EPB41L1: variants seen among roughly 807,000 people sequenced by gnomAD.
The protein encoded by EPB41L1 is band 4.1-like protein 1.
EPB41L1 carries 29 observed loss-of-function variants against 97.8 expected under a neutral mutation model. The observed-to-expected ratio is 0.30, with a 90% CI of 0.22 to 0.40. The LOEUF (loss-of-function observed/expected upper bound fraction) is 0.40. Ranked by LOEUF, EPB41L1 falls within the 10% of genes least tolerant of loss-of-function variation. The pLI, the probability that EPB41L1 is intolerant of heterozygous loss-of-function variation, is 1.00. For missense variants in EPB41L1, 812 were observed against 1,162.3 expected (o/e 0.70, Z 4.38); for synonymous variants, 383 against 459.2 (o/e 0.83, Z 2.12).
At chr20:36,154,420 C>T (rs1177987237), upstream of EPB41L1, among the ~76,000 whole-genome samples, 1 of 151,936 alleles carries the variant, frequency 6.6e-6, no homozygotes, top group Non-Finnish European at 1.5e-5. This position sits in a 1 kb window ranked among gnomAD's most constrained non-coding sequence, Gnocchi z 5.5. Flanking sequence ...TCGAGAGGCC[C>T]CCCAGCTGCA....
Position 36,197,978 on chromosome 20 carries a change from G to T in EPB41L1, c.1605G>T (p.Glu535Asp). ...LIHRDRDWER[E>D]RRLPSSPASP... Reference sequence around the variant, plus strand: ...ACCGGGATCGAGACTGGGAACGGGAGCGCAGGCTGCCCTCCTCCCCCGCCT... The same window carrying T: ...ACCGGGATCGAGACTGGGAACGGGATCGCAGGCTGCCCTCCTCCCCCGCCT... The change falls in exon 14 of 22, where the codon GAG (glutamate) becomes GAT (aspartate). Residue 535 changes from glutamate to aspartate, a missense_variant. Coordinates refer to ENST00000338074, the MANE Select transcript of EPB41L1 (RefSeq NM_012156.2). 5.0e-6 allele frequency: 8 copies of T among 1,614,124 alleles called. No homozygotes were observed. The highest frequency in any genetic ancestry group is 6.8e-6 in the Non-Finnish European group (8 of 1,180,042).
At position 36,182,276 on chromosome 20, in the gene EPB41L1, C is replaced by A; in HGVS notation, c.495C>A (p.Ser165Arg). ...SKEIKKQIRS[S>R]PWNFAFTVKF... ...CTCTCTCCCATCTCCTCTCAGGTAG[C>A]CCCTGGAATTTTGCCTTCACAGTCA... The change falls in exon 6 of 22, where the codon AGC becomes AGA. Residue 165 changes from serine to arginine, a missense_variant. Transcript: ENST00000338074. The A allele has an allele frequency of 6.2e-7, 1 of 1,613,986 alleles. No homozygotes were observed. Among genetic ancestry groups the A allele is most frequent in the Non-Finnish European group, 8.5e-7 (1 of 1,179,878 alleles).
chr20:36,156,368 G>T (rs969488685), intron 1 of EPB41L1, among the ~76,000 whole-genome samples: 1 of 152,276 alleles, frequency 6.6e-6, no homozygotes, highest in Non-Finnish European at 1.5e-5. Context: ...AGCCCTGTGA[G>T]CTTCTTGAAG....
intron 15 of EPB41L1, among the ~76,000 whole-genome samples, chr20:36,211,243 T>C (rs149308303): frequency 0.014 from 2,093 of 151,104 alleles, 47 homozygotes; most frequent in African/African-American, 0.048. Flanking sequence ...AAAAATTAGC[T>C]GGGCGTGGTG....
chr20:36,127,430 C>T (rs570501041), intron 2 of EPB41L1, among the ~76,000 whole-genome samples: 12 of 152,136 alleles, frequency 7.9e-5, no homozygotes, highest in East Asian at 7.7e-4. Context: ...AGGTGAGAGA[C>T]GAGTAAGGCT....
chr20:36,131,479 G>A (rs957295599), intron 2 of EPB41L1, among the ~76,000 whole-genome samples: 1 of 151,924 alleles, frequency 6.6e-6, no homozygotes, highest in Non-Finnish European at 1.5e-5. Flanking sequence ...ACTGTCCTCT[G>A]TCCATGCATT....
At chr20:36,224,388 C>T (rs1291786546) in intron 21 of EPB41L1, among the ~76,000 whole-genome samples, 2 of 152,152 alleles carry the variant, frequency 1.3e-5, no homozygotes, top group Non-Finnish European at 2.9e-5. Context: ...TGGCTTATGC[C>T]TGTAATCTCA....
At chr20:36,157,117 G>A (rs1280140164) in intron 1 of EPB41L1, among the ~76,000 whole-genome samples, 13 of 152,096 alleles carry the variant, frequency 8.5e-5, no homozygotes, top group Admixed American at 1.3e-4. Context: ...CCAGCAACTC[G>A]GGAGGCTGAG....
At chr20:36,099,164 G>A (rs144335655) in intron 1 of EPB41L1, among the ~76,000 whole-genome samples, 219 of 152,088 alleles carry the variant, frequency 1.4e-3, no homozygotes, top group African/African-American at 4.9e-3. Context: ...GCAAGACTCC[G>A]TCTCGAAAAA....
At chr20:36,108,921 T>C (rs116057683) in intron 1 of EPB41L1, among the ~76,000 whole-genome samples, 2,880 of 151,704 alleles carry the variant, frequency 0.019, 105 homozygotes, top group African/African-American at 0.066. Context: ...GACAGCCCCA[T>C]AGCCTTGAGG....
chr20:36,112,670 G>A (rs183070261), intron 2 of EPB41L1, among the ~76,000 whole-genome samples: 1 of 152,220 alleles, frequency 6.6e-6, no homozygotes, highest in Non-Finnish European at 1.5e-5. Flanking sequence ...GTTTTGGCTT[G>A]TTTTGGGTTA....
At chr20:36,221,268 G>A (rs780967563) in intron 19 of EPB41L1, among the ~76,000 whole-genome samples, 9 of 152,184 alleles carry the variant, frequency 5.9e-5, no homozygotes, top group Non-Finnish European at 1.2e-4. Context: ...AGAAAACAGC[G>A]GAGGTCATAA....
chr20:36,099,389 AATAATCATC>A (rs1221590235), intron 1 of EPB41L1, among the ~76,000 whole-genome samples: 1 of 152,226 alleles, frequency 6.6e-6, no homozygotes, highest in Non-Finnish European at 1.5e-5. Context: ...ATCAAATGTG[AATAATCATC>A]ATCCAGCCCT....
At chr20:36,227,701 C>T (rs915141227) in intron 21 of EPB41L1, among the ~76,000 whole-genome samples, 17 of 152,218 alleles carry the variant, frequency 1.1e-4, no homozygotes, top group African/African-American at 3.4e-4. Context: ...GTTCCTTCTG[C>T]AAATCCTCCA....
chr20:36,148,563 T>A (rs1600588797), intron 2 of EPB41L1, among the ~76,000 whole-genome samples: 1 of 151,924 alleles, frequency 6.6e-6, no homozygotes, highest in African/African-American at 2.4e-5. Flanking sequence ...CGGGCTGAGG[T>A]ATTTGAGTTG....
intron 20 of EPB41L1, 57 bp from the exon 21 acceptor site, chr20:36,222,221 A>C (rs762515673): frequency 8.9e-6 from 13 of 1,463,400 alleles, no homozygotes; most frequent in Non-Finnish European, 9.6e-6. Flanking sequence ...TGTTCTTCAC[A>C]GTCTCTCTCG....
At chr20:36,200,791 C>T in intron 14 of EPB41L1, 13 of 425,442 alleles carry the variant, frequency 3.1e-5, no homozygotes, top group Admixed American at 1.4e-4. Context: ...CCTACTTTTT[C>T]TCTTTCCCTC....
Position 36,207,184 on chromosome 20 carries a change from G to A in EPB41L1, c.1669-2304G>A. 3.1e-6 allele frequency: 4 copies of A among 1,288,418 alleles called. No homozygotes were observed. The highest frequency in any genetic ancestry group is 4.0e-6 in the Non-Finnish European group (4 of 987,870). 79.8% of individuals were successfully genotyped at this position (1,288,418 alleles called of 1,614,324 possible). Reference sequence around the variant, plus strand: ...GTCAGGGGAGCCTTCGGAGCTCAGGGAGCCCTTTCTTAGACATGTCCATCT... The same window carrying A: ...GTCAGGGGAGCCTTCGGAGCTCAGGAAGCCCTTTCTTAGACATGTCCATCT... On this transcript the variant is annotated intron_variant, in intron 14 of 21. Transcript: ENST00000338074. This position sits in a 1 kb window ranked among gnomAD's most constrained non-coding sequence, Gnocchi z 4.9.
In EPB41L1 at chr20:36,147,781, T is replaced by C. The variant is rs183440462; in HGVS notation, c.-9-27770T>C. ...TGCCTCTCACTGCTCCCAGCCTCTGTATGATACTCTCCAGCTCTCTTCTGA... is the reference window on the plus strand; with the variant it reads ...TGCCTCTCACTGCTCCCAGCCTCTGCATGATACTCTCCAGCTCTCTTCTGA... On this transcript the variant is annotated intron_variant, in intron 2 of 19. Coordinates refer to the EPB41L1 transcript ENST00000202028. 1.6e-3 allele frequency among the ~76,000 whole-genome samples: 246 copies of C among 152,322 alleles called. 1 individual carries two copies. The highest frequency in any genetic ancestry group is 5.7e-3 in the African/African-American group (237 of 41,570).
Sources: allele counts gnomAD v4.1 joint callset (sites outside exome capture counted in the v4.1 genomes callset), GRCh38; gene constraint gnomAD v4.1.1; non-coding constraint Gnocchi (gnomAD v3.1); transcripts MANE v1.5; gene names NCBI Gene and HGNC (gene_info 2026-07-23, HGNC 2026-07-21).